Variants in TENM4 observed in about 807,000 individuals in gnomAD.
TENM4 encodes teneurin transmembrane protein 4.
Under a neutral mutation model 243.3 loss-of-function variants are expected in TENM4, and 82 were observed. That is an observed-to-expected ratio of 0.34 (90% confidence interval 0.28 to 0.40). TENM4 has a LOEUF of 0.40. Ranked by LOEUF, TENM4 falls within the 10% of genes least tolerant of loss-of-function variation. The pLI is 1.00. For missense variants in TENM4, 3,138 were observed against 3,673.3 expected, an observed-to-expected ratio of 0.85 and a Z score of 3.77; for synonymous variants, 1,412 against 1,456.3, an observed-to-expected ratio of 0.97 and a Z score of 0.69.
chr11:79,148,674 T>A, intron 4 of TENM4, 36 bp downstream of exon 4: 3 of 709,914 alleles, frequency 4.2e-6, no homozygotes, highest in Non-Finnish European at 5.2e-6. Context: ...ACTTAAATCA[T>A]GAATACTCTC....
At chr11:78,825,329 C>T (rs1053370196) in intron 12 of TENM4, among the ~76,000 whole-genome samples, 1 of 152,182 alleles carries the variant, frequency 6.6e-6, no homozygotes, top group Admixed American at 6.5e-5. Context: ...ATATATGCAC[C>T]TGGTACATAA....
chr11:79,197,923 G>A (rs1043343663), intron 3 of TENM4, among the ~76,000 whole-genome samples: 5 of 152,146 alleles, frequency 3.3e-5, no homozygotes, highest in Middle Eastern at 3.4e-3. Flanking sequence ...CCTGCAGGCC[G>A]TGCAGGCCAC....
intron 1 of TENM4, among the ~76,000 whole-genome samples, chr11:79,356,947 C>A (rs1398495175): frequency 6.6e-6 from 1 of 152,050 alleles, no homozygotes; most frequent in Non-Finnish European, 1.5e-5. Context: ...GTAAGAGAAT[C>A]TACTTCTCAG....
rs138408098 is a variant in TENM4 at position 79,312,354 on chromosome 11, G to A, written c.-320-14811C>T. Among the ~76,000 whole-genome samples, 7 of 152,280 alleles carry A rather than the reference G, an allele frequency of 4.6e-5. No homozygotes were observed. In the East Asian group the frequency reaches 1.4e-3, roughly 29 times the overall value. On this transcript the variant is annotated intron_variant, in intron 1 of 33. Coordinates refer to ENST00000278550, the MANE Select transcript of TENM4 (RefSeq NM_001098816.3). ...ATTTGCCTGATTCATAAAAATAATT[G>A]CAGGAAAAAACAGGTATATAATGCT...
intron 12 of TENM4, among the ~76,000 whole-genome samples, chr11:78,822,558 C>G (rs1306638715): frequency 1.3e-5 from 2 of 152,080 alleles, no homozygotes; most frequent in African/African-American, 2.4e-5. Context: ...GAACAACACA[C>G]ACTGGGGCCT....
intron 3 of TENM4, among the ~76,000 whole-genome samples, chr11:79,172,024 G>T (rs543773948): frequency 1.3e-5 from 2 of 152,118 alleles, no homozygotes; most frequent in African/African-American, 4.8e-5. Flanking sequence ...TGATCATAGC[G>T]CATTATAAAT....
chr11:78,766,530 C>A (rs1856542195), intron 18 of TENM4, among the ~76,000 whole-genome samples: 2 of 152,118 alleles, frequency 1.3e-5, no homozygotes. Flanking sequence ...GCTTGTCTAC[C>A]TTCTGGTCCC....
At chr11:79,049,899 G>A (rs766376303) in intron 6 of TENM4, among the ~76,000 whole-genome samples, 34 of 152,282 alleles carry the variant, frequency 2.2e-4, no homozygotes, top group African/African-American at 7.7e-4. Flanking sequence ...GCTTTTGCCC[G>A]GCTTCCTCCG....
At chr11:79,118,866 A>G (rs1861676788) in intron 4 of TENM4, among the ~76,000 whole-genome samples, 1 of 152,156 alleles carries the variant, frequency 6.6e-6, no homozygotes. Context: ...TGCTATGTCC[A>G]TGGACATATA....
At chr11:79,188,477 A>T (rs538520317) in intron 3 of TENM4, among the ~76,000 whole-genome samples, 61 of 152,036 alleles carry the variant, frequency 4.0e-4, no homozygotes, top group Middle Eastern at 6.8e-3. Flanking sequence ...GTCCTAGTAG[A>T]GAGGAGATGA....
rs368827385 is a variant in TENM4 at position 79,131,310 on chromosome 11, A to G, written c.-66+17400T>C. On this transcript the variant is annotated intron_variant, in intron 4 of 33. Transcript: ENST00000278550. ...CGAGGTAACCTATAAGGGAAAATCT[A>G]TCAGAGTAACAGGAGATTTCTCAGC... Among the ~76,000 whole-genome samples, 16 of 152,340 alleles carry G rather than the reference A, an allele frequency of 1.1e-4. No individual in the cohort carries two copies. In the East Asian group the frequency reaches 2.5e-3, roughly 24 times the overall value.
chr11:79,347,951 T>C (rs1434210163), intron 1 of TENM4, among the ~76,000 whole-genome samples: 3 of 151,346 alleles, frequency 2.0e-5, no homozygotes, highest in Non-Finnish European at 2.9e-5. Context: ...GGCTAATTTT[T>C]TGTATTTTTA....
chr11:79,271,034 TTGTC>T (rs1855960004), intron 2 of TENM4, among the ~76,000 whole-genome samples: 1 of 152,168 alleles, frequency 6.6e-6, no homozygotes, highest in Non-Finnish European at 1.5e-5. Context: ...GTCATTGAGT[TTGTC>T]TGCTGGGGAA....
intron 18 of TENM4, among the ~76,000 whole-genome samples, chr11:78,757,908 G>GT (rs1321494329): frequency 1.3e-5 from 2 of 152,158 alleles, no homozygotes; most frequent in Non-Finnish European, 2.9e-5. Context: ...TTTACCACAT[G>GT]GATGGGCTTC....
At chr11:78,976,431 A>G (rs1857656692) in intron 6 of TENM4, among the ~76,000 whole-genome samples, 1 of 152,230 alleles carries the variant, frequency 6.6e-6, no homozygotes. Context: ...AAAACCAGAA[A>G]GCCATGTGGT....
intron 6 of TENM4, among the ~76,000 whole-genome samples, chr11:79,058,477 G>A (rs193181344): frequency 6.6e-4 from 101 of 151,996 alleles, no homozygotes; most frequent in African/African-American, 1.6e-3. Flanking sequence ...CCCTGGAGGC[G>A]GAGTTGCAGT....
At chr11:79,242,818 T>G (rs1374193037) in intron 2 of TENM4, among the ~76,000 whole-genome samples, 2 of 152,230 alleles carry the variant, frequency 1.3e-5, no homozygotes, top group African/African-American at 4.8e-5. Context: ...GAAGCAGAAT[T>G]ACTGGGTCAA....
intron 2 of TENM4, among the ~76,000 whole-genome samples, chr11:79,282,927 C>T (rs1489959335): frequency 6.6e-6 from 1 of 152,078 alleles, no homozygotes; most frequent in East Asian, 1.9e-4. Context: ...ACTGCCCTGC[C>T]CGTAAGGAAA....
chr11:78,740,064 C>T (rs1389153094), intron 19 of TENM4, among the ~76,000 whole-genome samples: 9 of 152,312 alleles, frequency 5.9e-5, no homozygotes, highest in African/African-American at 2.2e-4. Context: ...GAGTCAAAAA[C>T]GCAGGTGCTG....
Sources: gnomAD v4.1 joint callset for allele counts (sites outside exome capture counted in the v4.1 genomes callset) on GRCh38, gnomAD v4.1.1 for gene constraint, MANE v1.5 for transcripts, NCBI Gene and HGNC (gene_info 2026-07-23, HGNC 2026-07-21) for gene names.